THSD4: variants seen among roughly 807,000 people sequenced by gnomAD.
THSD4 encodes thrombospondin type-1 domain-containing protein 4.
Under a neutral mutation model 119.0 loss-of-function variants are expected in THSD4, and 69 were observed. That is an observed-to-expected ratio of 0.58 (90% CI 0.48 to 0.71). THSD4 has a LOEUF of 0.71. THSD4 is among the 30% of genes least tolerant of loss of function. The probability of loss-of-function intolerance (pLI) is 0.00; values close to 1 mark genes in which losing one functional copy is unlikely to be tolerated. For missense variants in THSD4, 1,393 were observed against 1,391.1 expected (o/e 1.00, Z -0.02); for synonymous variants, 524 against 540.4 (o/e 0.97, Z 0.42).
At chr15:71,295,313 C>T (rs1410428288) in intron 6 of THSD4, among the ~76,000 whole-genome samples, 1 of 152,136 alleles carries the variant, frequency 6.6e-6, no homozygotes, top group Admixed American at 6.5e-5. Context: ...AGTTTGAACC[C>T]AGGCCTTCTG....
At chr15:71,345,759 C>T (rs925369884) in intron 6 of THSD4, among the ~76,000 whole-genome samples, 4 of 150,586 alleles carry the variant, frequency 2.7e-5, no homozygotes, top group Admixed American at 1.3e-4. Context: ...GTTAGAGTGC[C>T]TTCGCCAGAA....
chr15:71,116,563 C>CT lies in THSD4; in HGVS notation c.-80+866dup, dbSNP rs768877265. Among the ~76,000 whole-genome samples, 7 of 152,342 alleles carry CT rather than the reference C, an allele frequency of 4.6e-5. 1 individual carries two copies. Among genetic ancestry groups the CT allele is most frequent in the South Asian group, 4.1e-4 (2 of 4,830 alleles). ...TAAAAGTGCATGCTTGCTTCTCTTC[C>CT]TGTCTCCTTTGCGATCTCTACCACG... On this transcript the variant is annotated intron_variant, in intron 1 of 17. Transcript: ENST00000261862.
intron 6 of THSD4, among the ~76,000 whole-genome samples, chr15:71,375,565 T>C (rs946235311): frequency 6.6e-6 from 1 of 152,192 alleles, no homozygotes; most frequent in Admixed American, 6.5e-5. Flanking sequence ...TACATGTTTG[T>C]TGACAGATTC....
chr15:71,220,953 G>T (rs931829159), intron 4 of THSD4, among the ~76,000 whole-genome samples: 5 of 152,144 alleles, frequency 3.3e-5, no homozygotes, highest in Non-Finnish European at 2.9e-5. Context: ...AGGCTAGGGG[G>T]TTCATCCTTC....
At chr15:71,193,552 A>T (rs116771644) in intron 3 of THSD4, among the ~76,000 whole-genome samples, 164 of 152,060 alleles carry the variant, frequency 1.1e-3, no homozygotes, top group African/African-American at 3.9e-3. Context: ...AGGGTTGGTG[A>T]TATGGTTTGG....
At chr15:71,345,417 C>A (rs1022838487) in intron 6 of THSD4, among the ~76,000 whole-genome samples, 3 of 152,062 alleles carry the variant, frequency 2.0e-5, no homozygotes, top group African/African-American at 7.3e-5. Context: ...TGTGATTGGC[C>A]CTTTCTTCAA....
intron 6 of THSD4, among the ~76,000 whole-genome samples, chr15:71,405,968 T>C (rs2046599875): frequency 6.6e-6 from 1 of 152,176 alleles, no homozygotes; most frequent in Non-Finnish European, 1.5e-5. Flanking sequence ...GAAATACAAT[T>C]AAGAGGTAGG....
chr15:71,340,602 A>ATTT (rs2045553137), intron 6 of THSD4, among the ~76,000 whole-genome samples: 2 of 133,748 alleles, frequency 1.5e-5, no homozygotes, highest in African/African-American at 6.1e-5. Context: ...GCATCCAGAG[A>ATTT]CTTTTTTTTT....
At chr15:71,633,823 G>A (rs1049426289) in intron 7 of THSD4, among the ~76,000 whole-genome samples, 4 of 152,170 alleles carry the variant, frequency 2.6e-5, no homozygotes, top group African/African-American at 9.6e-5. Context: ...CTAGTCCAAT[G>A]TCCACTGCTT....
At chr15:71,615,654 G>C (rs953843212) in intron 7 of THSD4, among the ~76,000 whole-genome samples, 1 of 152,102 alleles carries the variant, frequency 6.6e-6, no homozygotes, top group African/African-American at 2.4e-5. Context: ...TGTTAACAAT[G>C]TCAAAGGGAA....
intron 6 of THSD4, among the ~76,000 whole-genome samples, chr15:71,301,364 C>T (rs1200092947): frequency 6.6e-6 from 1 of 152,064 alleles, no homozygotes; most frequent in Non-Finnish European, 1.5e-5. Context: ...ATGATTTTTC[C>T]GTGATTTTTC....
chr15:71,122,387 T>G (rs1408969413), intron 1 of THSD4, among the ~76,000 whole-genome samples: 1 of 152,152 alleles, frequency 6.6e-6, no homozygotes, highest in Non-Finnish European at 1.5e-5. Context: ...TGTTTCAATT[T>G]CAAGTCATCT....
intron 7 of THSD4, among the ~76,000 whole-genome samples, chr15:71,481,888 T>A (rs2047735903): frequency 6.6e-6 from 1 of 152,224 alleles, no homozygotes; most frequent in Non-Finnish European, 1.5e-5. Flanking sequence ...AAGGCAGGGA[T>A]TCTTTATGTG....
chr15:71,602,734 A>G (rs915376837), intron 7 of THSD4, among the ~76,000 whole-genome samples: 5 of 152,246 alleles, frequency 3.3e-5, no homozygotes, highest in Admixed American at 3.3e-4. Flanking sequence ...GGGAATGGGC[A>G]GTGACTGCTA....
chr15:71,720,380 A>C (rs1404009991), intron 8 of THSD4, among the ~76,000 whole-genome samples: 1 of 152,038 alleles, frequency 6.6e-6, no homozygotes, highest in Non-Finnish European at 1.5e-5. Flanking sequence ...AAATAGGAGA[A>C]CTCCTAGAAG....
chr15:71,640,328 A>T (rs2050833274), intron 7 of THSD4, among the ~76,000 whole-genome samples: 1 of 151,918 alleles, frequency 6.6e-6, no homozygotes, highest in African/African-American at 2.4e-5. Flanking sequence ...CGATCCCCCA[A>T]CCTCAGCCTC....
intron 8 of THSD4, among the ~76,000 whole-genome samples, chr15:71,712,057 A>G (rs1385340810): frequency 2.0e-5 from 3 of 152,210 alleles, no homozygotes; most frequent in Non-Finnish European, 4.4e-5. Context: ...AGCAGAACAC[A>G]TATTCTTTTC....
chr15:71,663,979 T>C (rs1465139225), intron 8 of THSD4, among the ~76,000 whole-genome samples: 1 of 152,024 alleles, frequency 6.6e-6, no homozygotes, highest in Non-Finnish European at 1.5e-5. Context: ...CTTTCAAGAT[T>C]CCAGAACTTT....
At chr15:71,542,338 T>G (rs982643288) in intron 7 of THSD4, among the ~76,000 whole-genome samples, 4 of 152,318 alleles carry the variant, frequency 2.6e-5, no homozygotes, top group Admixed American at 2.6e-4. Context: ...AAGGAGATCT[T>G]AATTCTATGG....
Sources: allele counts gnomAD v4.1 joint callset (sites outside exome capture counted in the v4.1 genomes callset), GRCh38; gene constraint gnomAD v4.1.1; transcripts MANE v1.5; gene names NCBI Gene and HGNC (gene_info 2026-07-23, HGNC 2026-07-21).